PVT1: variants seen among roughly 807,000 people sequenced by gnomAD.
PVT1 encodes the protein CXCR4/PVT1 fusion.
At chr8:127,795,676 G>A (rs191541624) in intron 1 of PVT1, 16 of 151,992 alleles carry the variant, frequency 1.1e-4, no homozygotes, top group African/African-American at 3.6e-4. Flanking sequence ...ATGTGTTTGT[G>A]TGTGGTGGGT....
At chr8:127,942,388 G>A (rs541306592) in intron 3 of PVT1, among the ~76,000 whole-genome samples, 1 of 152,272 alleles carries the variant, frequency 6.6e-6, no homozygotes. Flanking sequence ...TTGACCCATA[G>A]CCACCTCTCT....
intron 4 of PVT1, among the ~76,000 whole-genome samples, chr8:128,036,465 C>T (rs1404643163): frequency 6.6e-6 from 1 of 152,196 alleles, no homozygotes; most frequent in African/African-American, 2.4e-5. Context: ...CAGAGGTGTT[C>T]TGGGCTGAGG....
At chr8:127,854,182 G>C (rs1815137814) in intron 2 of PVT1, among the ~76,000 whole-genome samples, 1 of 152,220 alleles carries the variant, frequency 6.6e-6, no homozygotes, top group African/African-American at 2.4e-5. Flanking sequence ...CCTGGCGCAG[G>C]GACAGGTAGA....
chr8:127,909,473 T>C (rs73357079), intron 3 of PVT1, among the ~76,000 whole-genome samples: 51,166 of 152,156 alleles, frequency 0.34, 8,819 homozygotes, highest in Admixed American at 0.44. Flanking sequence ...GAGCCTTGTT[T>C]TTCCCAGCTG....
intron 2 of PVT1, among the ~76,000 whole-genome samples, chr8:127,878,763 C>A (rs1351473558): frequency 6.6e-6 from 1 of 152,212 alleles, no homozygotes; most frequent in East Asian, 1.9e-4. Flanking sequence ...AAGACAGTGC[C>A]CATCAGCGAG....
chr8:127,854,744 T>G (rs1335978333), intron 2 of PVT1: 1 of 155,436 alleles, frequency 6.4e-6, no homozygotes, highest in Non-Finnish European at 1.4e-5. Context: ...GGGTCGCGTG[T>G]CCTGGCAGGG....
intron 4 of PVT1, among the ~76,000 whole-genome samples, chr8:128,003,190 C>T (rs1817204292): frequency 7.2e-6 from 1 of 139,802 alleles, no homozygotes; most frequent in Non-Finnish European, 1.5e-5. Flanking sequence ...GACAGGATTT[C>T]ACTGTGTTAG....
At chr8:127,979,168 C>T (rs190349642) in intron 3 of PVT1, among the ~76,000 whole-genome samples, 117 of 152,316 alleles carry the variant, frequency 7.7e-4, no homozygotes, top group Non-Finnish European at 1.2e-3. Flanking sequence ...ATCTAATCAC[C>T]CAACAGAAGT....
intron 4 of PVT1, among the ~76,000 whole-genome samples, chr8:127,996,207 A>G (rs1266525084): frequency 6.6e-6 from 1 of 152,162 alleles, no homozygotes; most frequent in Admixed American, 6.5e-5. Flanking sequence ...AGTAAATCAC[A>G]GAACCTCCAC....
At chr8:128,003,771 G>A (rs60794614) in intron 4 of PVT1, among the ~76,000 whole-genome samples, 5,433 of 152,328 alleles carry the variant, frequency 0.036, 319 homozygotes, top group African/African-American at 0.12. Context: ...CATGACTGAT[G>A]AGGGCATAGT....
At chr8:127,995,249 G>A (rs1451916563) in intron 4 of PVT1, among the ~76,000 whole-genome samples, 1 of 152,178 alleles carries the variant, frequency 6.6e-6, no homozygotes, top group Non-Finnish European at 1.5e-5. Flanking sequence ...CTCTTGTCCT[G>A]TTCTGTCTGT....
intron 3 of PVT1, among the ~76,000 whole-genome samples, chr8:127,982,947 G>T (rs571081137): frequency 6.6e-6 from 1 of 152,300 alleles, no homozygotes; most frequent in South Asian, 2.1e-4. Context: ...AGCACCTGTT[G>T]TGCACAGTGG....
chr8:127,900,035 TTTATTTATTTA>T (rs1174249575), intron 3 of PVT1, among the ~76,000 whole-genome samples: 1 of 152,114 alleles, frequency 6.6e-6, no homozygotes, highest in Non-Finnish European at 1.5e-5. Flanking sequence ...ATTTTGTTTA[TTTATTTATTTA>T]TTATTTATTT....
intron 3 of PVT1, among the ~76,000 whole-genome samples, chr8:127,929,615 A>G (rs932678148): frequency 1.3e-5 from 2 of 152,168 alleles, no homozygotes; most frequent in Non-Finnish European, 1.5e-5. Context: ...AAATACAAAA[A>G]AAATTAGCCG....
intron 4 of PVT1, among the ~76,000 whole-genome samples, chr8:128,024,577 T>C (rs1817472584): frequency 6.6e-6 from 1 of 151,948 alleles, no homozygotes; most frequent in Non-Finnish European, 1.5e-5. Flanking sequence ...CAGCAAGCCA[T>C]GATTGTGTCA....
intron 4 of PVT1, among the ~76,000 whole-genome samples, chr8:128,061,768 T>C (rs1586503327): frequency 6.6e-6 from 1 of 152,188 alleles, no homozygotes. Context: ...GAACACTTTC[T>C]GGGAAAGGGA....
intron 3 of PVT1, among the ~76,000 whole-genome samples, chr8:127,944,912 G>A (rs1816401129): frequency 6.6e-6 from 1 of 152,170 alleles, no homozygotes; most frequent in Non-Finnish European, 1.5e-5. Context: ...CATGGCTGAG[G>A]TCCAGGCCCG....
chr8:128,094,316 T>G (rs1253317809), intron 5 of PVT1, among the ~76,000 whole-genome samples: 2 of 152,230 alleles, frequency 1.3e-5, no homozygotes, highest in Non-Finnish European at 2.9e-5. Flanking sequence ...CATTTACATT[T>G]TTAGATGTTT....
intron 2 of PVT1, among the ~76,000 whole-genome samples, chr8:127,844,379 C>T (rs191565438): frequency 1.5e-4 from 23 of 152,184 alleles, no homozygotes; most frequent in African/African-American, 5.1e-4. Flanking sequence ...TTTGTGCATC[C>T]GTGCTCTTGG....
Sources: gnomAD v4.1 joint callset for allele counts (sites outside exome capture counted in the v4.1 genomes callset) on GRCh38, gnomAD v4.1.1 for gene constraint, MANE v1.5 for transcripts, NCBI Gene and HGNC (gene_info 2026-07-23, HGNC 2026-07-21) for gene names.